The following CLMN variants were observed in gnomAD, a reference collection of about 807,000 sequenced individuals.
CLMN encodes calmin (calponin-like, transmembrane).
Under a neutral mutation model 92.7 loss-of-function variants are expected in CLMN, and 57 were observed. The ratio of observed to expected loss-of-function variants is 0.61; its 90% CI spans 0.50 to 0.77. The LOEUF (loss-of-function observed/expected upper bound fraction) is 0.77, where lower values mean the gene tolerates loss of function less well. Among genes scored for constraint, CLMN ranks in the 30% least tolerant of loss-of-function variants. The pLI, the probability that CLMN is intolerant of heterozygous loss-of-function variation, is 0.00. For missense variants in CLMN, 1,158 were observed against 1,237.5 expected, an observed-to-expected ratio of 0.94 and a Z score of 0.96; for synonymous variants, 466 against 470.6, an observed-to-expected ratio of 0.99 and a Z score of 0.13.
intron 2 of CLMN, among the ~76,000 whole-genome samples, chr14:95,224,635 CG>C (rs1361595748): frequency 6.6e-6 from 1 of 152,188 alleles, no homozygotes; most frequent in Non-Finnish European, 1.5e-5. Context: ...GAGTGATAGT[CG>C]CAGCATTTGG....
At chr14:95,288,228 C>T (rs1286614591) in intron 1 of CLMN, among the ~76,000 whole-genome samples, 3 of 152,192 alleles carry the variant, frequency 2.0e-5, no homozygotes, top group Admixed American at 6.5e-5. Context: ...AGAGGACTTA[C>T]GTGAACAGCT....
intron 1 of CLMN, among the ~76,000 whole-genome samples, chr14:95,233,179 T>G (rs915588857): frequency 1.3e-5 from 2 of 151,936 alleles, no homozygotes; most frequent in African/African-American, 4.8e-5. Context: ...GAGAGCAAAG[T>G]ATATCCCCTG....
In CLMN at chr14:95,187,588, T is replaced by A. The variant is rs1271341782; in HGVS notation, c.*3976A>T. 1 of 152,314 alleles carries A rather than the reference T, an allele frequency of 6.6e-6. No homozygotes were observed. Among genetic ancestry groups the A allele is most frequent in the East Asian group, 1.9e-4 (1 of 5,198 alleles). 9.4% of individuals were successfully genotyped at this position (152,314 alleles called of 1,614,324 possible). The stretch of plus-strand genomic sequence containing the variant: ...TTCCCATGCAGCCAGATGACCACTG[T>A]GCTCCTACTCCATGGAGAAATCAGA... On this transcript the variant is annotated 3_prime_UTR_variant, in exon 13 of 13. Coordinates refer to ENST00000298912, the MANE Select transcript of CLMN (RefSeq NM_024734.4).
intron 8 of CLMN, among the ~76,000 whole-genome samples, chr14:95,208,002 G>C (rs61255711): frequency 1.3e-5 from 2 of 152,092 alleles, no homozygotes; most frequent in East Asian, 1.9e-4. Flanking sequence ...CCTTATTTTC[G>C]TTTATAAAAG....
intron 1 of CLMN, among the ~76,000 whole-genome samples, chr14:95,305,747 G>C (rs1901250844): frequency 6.6e-6 from 1 of 152,190 alleles, no homozygotes; most frequent in Non-Finnish European, 1.5e-5. Flanking sequence ...AGGTCACCTT[G>C]AAGTCTCAGG....
intron 1 of CLMN, among the ~76,000 whole-genome samples, chr14:95,238,692 G>A (rs1898141090): frequency 6.6e-6 from 1 of 152,274 alleles, no homozygotes; most frequent in South Asian, 2.1e-4. Flanking sequence ...GGGCATCAGG[G>A]CACAGAGTGA....
intron 1 of CLMN, among the ~76,000 whole-genome samples, chr14:95,281,207 G>C (rs1400462971): frequency 1.3e-5 from 2 of 152,074 alleles, no homozygotes; most frequent in Admixed American, 6.6e-5. Context: ...AAGTATTTAC[G>C]GACACAGTTA....
intron 12 of CLMN, 104 bp downstream of exon 12, chr14:95,193,745 T>C (rs750703251): frequency 7.4e-6 from 10 of 1,350,886 alleles, no homozygotes; most frequent in Non-Finnish European, 3.1e-6. Context: ...ATTAATACTG[T>C]TATCAACAAA....
At position 95,187,731 on chromosome 14, in the gene CLMN, A is replaced by G. The variant is rs1896473739; in HGVS notation, c.*3833T>C. On this transcript the variant is annotated 3_prime_UTR_variant, in exon 13 of 13. Transcript: ENST00000298912. The stretch of plus-strand genomic sequence containing the variant: ...CGGTCAGGACTCGGGCACACTGAGT[A>G]TAGACCAGGGTCTCTGGATATGGTC... The G allele has an allele frequency of 6.6e-6, 1 of 152,290 alleles. No individual in the cohort carries two copies. The highest frequency in any genetic ancestry group is 2.4e-5 in the African/African-American group (1 of 41,478). The allele number at this position is 152,290 out of a possible 1,614,324, so 9.4% of individuals were successfully genotyped here.
intron 5 of CLMN, among the ~76,000 whole-genome samples, chr14:95,213,696 C>T (rs1190517726): frequency 1.3e-5 from 2 of 152,122 alleles, no homozygotes; most frequent in Non-Finnish European, 2.9e-5. Flanking sequence ...ACCAGGTCTT[C>T]CTGACCCAAC....
chr14:95,299,516 A>C (rs1327493264), intron 1 of CLMN, among the ~76,000 whole-genome samples: 1 of 152,190 alleles, frequency 6.6e-6, no homozygotes, highest in Non-Finnish European at 1.5e-5. Context: ...GGAGGATGAG[A>C]GCAGGGCTGC....
At chr14:95,280,723 T>C (rs954997394) in intron 1 of CLMN, among the ~76,000 whole-genome samples, 2 of 152,226 alleles carry the variant, frequency 1.3e-5, no homozygotes, top group Non-Finnish European at 2.9e-5. Context: ...TTGTCAAGTA[T>C]GAAATGGTGT....
At chr14:95,293,316 C>T (rs1900666822) in intron 1 of CLMN, among the ~76,000 whole-genome samples, 1 of 96,974 alleles carries the variant, frequency 1.0e-5, no homozygotes, top group Non-Finnish European at 2.1e-5. Context: ...CTCCTTCCCT[C>T]CCTCCCTCCT....
intron 1 of CLMN, among the ~76,000 whole-genome samples, chr14:95,314,749 C>T (rs572771895): frequency 4.6e-5 from 7 of 152,298 alleles, no homozygotes; most frequent in South Asian, 2.1e-4. Context: ...CACTAGAACA[C>T]GGCCTTTTGC....
intron 3 of CLMN, among the ~76,000 whole-genome samples, chr14:95,222,010 T>G (rs1445394670): frequency 6.6e-6 from 1 of 152,200 alleles, no homozygotes; most frequent in Non-Finnish European, 1.5e-5. Context: ...TACTTGGGAT[T>G]TAACTCGCTG....
At position 95,186,976 on chromosome 14, in the gene CLMN, A is replaced by C. The variant is rs928402742; in HGVS notation, c.*4588T>G. 2 of 152,268 alleles carry C rather than the reference A, an allele frequency of 1.3e-5. No homozygotes were observed. The highest frequency in any genetic ancestry group is 2.9e-5 in the Non-Finnish European group (2 of 68,066). 9.4% of individuals were successfully genotyped at this position (152,268 alleles called of 1,614,324 possible). A position where few individuals can be genotyped will look rare whatever the true frequency, so the allele number is the denominator to read the frequency against. On this transcript the variant is annotated 3_prime_UTR_variant, in exon 13 of 13. Transcript: ENST00000298912. ...AGATCTAAGATCATTTACTGACAATAGGCAGCAAAACCAGGGGGAAGGAAG... is the reference window on the plus strand; with the variant it reads ...AGATCTAAGATCATTTACTGACAATCGGCAGCAAAACCAGGGGGAAGGAAG...
intron 1 of CLMN, among the ~76,000 whole-genome samples, chr14:95,273,733 T>C (rs1268337921): frequency 1.3e-5 from 2 of 152,192 alleles, no homozygotes; most frequent in African/African-American, 4.8e-5. Flanking sequence ...GTTTTTGACA[T>C]ATAGCTCTGC....
chr14:95,213,177 C>G (rs1421539053), intron 6 of CLMN, 42 bp downstream of exon 6: 1 of 1,586,874 alleles, frequency 6.3e-7, no homozygotes, highest in Admixed American at 1.8e-5. Context: ...CTGAAAGCAG[C>G]TAGTTAAATG....
rs755572569 is a variant in CLMN, at chr14:95,203,832, G to A, written c.1517C>T (p.Ser506Phe). 1.2e-6 allele frequency: 2 copies of A among 1,614,192 alleles called. No individual in the cohort carries two copies. The highest frequency in any genetic ancestry group is 1.7e-5 in the Admixed American group (1 of 60,022). ...ACTCTCTAAAGCACCATTACAGGAA[G>A]AAGACTGAGAATTATTGTTTGTGCC... ...VEGTNNNSQS[S>F]SCNGALESTA... Residue 506 changes from serine (S) to phenylalanine (F), a missense_variant, in exon 9 of 13, where the codon TCT becomes TTT. By Grantham distance (155) the Ser-to-Phe change is radical (BLOSUM62 -2). Transcript: ENST00000298912.
Sources: gnomAD v4.1 joint callset for allele counts (sites outside exome capture counted in the v4.1 genomes callset) on GRCh38, gnomAD v4.1.1 for gene constraint, MANE v1.5 for transcripts, NCBI Gene and HGNC (gene_info 2026-07-23, HGNC 2026-07-21) for gene names.